TRIM26: variants seen among roughly 807,000 people sequenced by gnomAD.
TRIM26 encodes the protein tripartite motif-containing protein 26.
TRIM26 carries 16 observed loss-of-function variants against 45.5 expected under a neutral mutation model. That is an observed-to-expected ratio of 0.35 (90% confidence interval 0.24 to 0.53). The LOEUF (loss-of-function observed/expected upper bound fraction) is 0.53. TRIM26 is among the 20% of genes least tolerant of loss of function. The pLI, the probability that TRIM26 is intolerant of heterozygous loss-of-function variation, is 0.92. For missense variants in TRIM26, 442 were observed against 691.1 expected (o/e 0.64, Z 4.04); for synonymous variants, 273 against 290.4 (o/e 0.94, Z 0.61).
Position 30,189,293 on chromosome 6 carries a change from T to C in TRIM26, c.905-94A>G, listed in dbSNP as rs1581655609. The C allele has an allele frequency of 1.3e-6, 2 of 1,589,426 alleles. No homozygotes were observed. Among genetic ancestry groups the C allele is most frequent in the Non-Finnish European group, 1.7e-6 (2 of 1,158,704 alleles). On this transcript the variant is annotated intron_variant, in intron 8 of 9. Coordinates refer to ENST00000454678, the MANE Select transcript of TRIM26 (RefSeq NM_003449.5). This position sits in a 1 kb window ranked among gnomAD's most constrained non-coding sequence, Gnocchi z 5.0. Reference sequence around the variant, plus strand: ...GTATCAATTTCCTGATAGGGATCCATGTCTAAGACAAGAGGCCCTCAGAAG... The same window carrying C: ...GTATCAATTTCCTGATAGGGATCCACGTCTAAGACAAGAGGCCCTCAGAAG...
At chr6:30,208,118 T>C (rs1163697493) in intron 1 of TRIM26, among the ~76,000 whole-genome samples, 1 of 152,202 alleles carries the variant, frequency 6.6e-6, no homozygotes, top group Non-Finnish European at 1.5e-5. Flanking sequence ...AAAAACTGAC[T>C]GAGAAAACAA....
In TRIM26 at chr6:30,188,712, G is replaced by C. The variant is rs147271716; in HGVS notation, c.937+455C>G. 4.0e-3 allele frequency: 734 copies of C among 185,670 alleles called. 2 individuals carry two copies. Among genetic ancestry groups the C allele is most frequent in the African/African-American group, 0.011 (485 of 42,468 alleles). The allele number at this position is 185,670 out of a possible 1,614,324, so 11.5% of individuals were successfully genotyped here. On this transcript the variant is annotated intron_variant, in intron 9 of 9. Transcript: ENST00000454678. ...TCCAAGGGGCACCATTCACATCTTGGTCTATGTGGATGGCGCTCCTTGGTG... is the reference window on the plus strand; with the variant it reads ...TCCAAGGGGCACCATTCACATCTTGCTCTATGTGGATGGCGCTCCTTGGTG...
intron 6 of TRIM26, among the ~76,000 whole-genome samples, chr6:30,193,491 T>C (rs1407666649): frequency 1.3e-5 from 2 of 152,024 alleles, no homozygotes; most frequent in Non-Finnish European, 2.9e-5. Flanking sequence ...TAGTATATTT[T>C]GAAGTAAGAT....
Position 30,207,218 on chromosome 6 carries a change from C to T in TRIM26, c.-375-2453G>A, listed in dbSNP as rs1777816469. 6.6e-6 allele frequency among the ~76,000 whole-genome samples: 1 copy of T among 152,184 alleles called. No homozygotes were observed. The highest frequency in any genetic ancestry group is 6.5e-5 in the Admixed American group (1 of 15,284). ...TTAAGAATTTTGGACTTTATCCTAA[C>T]AGCCCTGGGAAGCCATTGAGGGTTT... On this transcript the variant is annotated intron_variant, in intron 1 of 9. Transcript: ENST00000454678. The surrounding 1 kb of genome is among the most constrained non-coding windows in gnomAD (Gnocchi z 4.9).
chr6:30,203,533 A>C (rs1029913040), intron 2 of TRIM26, among the ~76,000 whole-genome samples: 4 of 152,060 alleles, frequency 2.6e-5, no homozygotes, highest in African/African-American at 9.7e-5. Context: ...CTCCTGCCTC[A>C]GCCTCCCTAG....
chr6:30,209,134 A>G lies in TRIM26; in HGVS notation c.-376+4171T>C, dbSNP rs946430849. Among the ~76,000 whole-genome samples, 1 of 152,166 alleles carries G rather than the reference A, an allele frequency of 6.6e-6. No individual in the cohort carries two copies. The highest frequency in any genetic ancestry group is 2.1e-4 in the South Asian group (1 of 4,830). On this transcript the variant is annotated intron_variant, in intron 1 of 9. Transcript: ENST00000454678. The surrounding 1 kb of genome is among the most constrained non-coding windows in gnomAD (Gnocchi z 4.8). Reference sequence around the variant, plus strand: ...TTCTTCTTTCCCTTGGTAACTTACCATCTATGAGTTAGTGAGATGGAGACA... The same window carrying G: ...TTCTTCTTTCCCTTGGTAACTTACCGTCTATGAGTTAGTGAGATGGAGACA...
Position 30,189,294 on chromosome 6 carries a change from G to A in TRIM26, c.905-95C>T, listed in dbSNP as rs1241419798. ...TATCAATTTCCTGATAGGGATCCAT[G>A]TCTAAGACAAGAGGCCCTCAGAAGA... On this transcript the variant is annotated intron_variant, in intron 8 of 9. Coordinates refer to ENST00000454678, the MANE Select transcript of TRIM26 (RefSeq NM_003449.5). This position sits in a 1 kb window ranked among gnomAD's most constrained non-coding sequence, Gnocchi z 5.0. 5 of 1,587,470 alleles carry A rather than the reference G, an allele frequency of 3.1e-6. No individual in the cohort carries two copies. Among genetic ancestry groups the A allele is most frequent in the Non-Finnish European group, 8.6e-7 (1 of 1,156,960 alleles).
chr6:30,207,811 T>G lies in TRIM26; in HGVS notation c.-375-3046A>C, dbSNP rs939655399. On this transcript the variant is annotated intron_variant, in intron 1 of 9. Coordinates refer to ENST00000454678, the MANE Select transcript of TRIM26 (RefSeq NM_003449.5). This position sits in a 1 kb window ranked among gnomAD's most constrained non-coding sequence, Gnocchi z 4.9. ...TAAGCCCTTCGACAATGTAATTCCT[T>G]CTGCCTAGAACACCATCCCTTTCCC... is the stretch of plus-strand genomic sequence containing the variant. Among the ~76,000 whole-genome samples the G allele has an allele frequency of 2.0e-5, 3 of 152,228 alleles. No individual in the cohort carries two copies. Among genetic ancestry groups the G allele is most frequent in the Non-Finnish European group, 2.9e-5 (2 of 68,042 alleles).
intron 6 of TRIM26, among the ~76,000 whole-genome samples, chr6:30,195,044 C>T (rs901626477): frequency 6.6e-6 from 1 of 152,194 alleles, no homozygotes; most frequent in Non-Finnish European, 1.5e-5. Flanking sequence ...CATTTTCTCT[C>T]CCTTCCCTTG....
At chr6:30,191,406 A>T (rs1483478528) in intron 6 of TRIM26, among the ~76,000 whole-genome samples, 3 of 48,178 alleles carry the variant, frequency 6.2e-5, no homozygotes, top group African/African-American at 2.4e-4. Flanking sequence ...AGAACAGTTA[A>T]AAAAAAAAAA....
At chr6:30,192,586 C>T (rs1177772621) in intron 6 of TRIM26, among the ~76,000 whole-genome samples, 2 of 151,978 alleles carry the variant, frequency 1.3e-5, no homozygotes, top group Admixed American at 6.6e-5. Flanking sequence ...ACTATGTTGC[C>T]CAGGCTGGTC....
rs1298973821 is a variant in TRIM26 at position 30,189,154 on chromosome 6, T to G, written c.937+13A>C. ...TTTGATGTACATCTGGGAAACACCC[T>G]CTAGACACTCACCTGTCTTATATTC... On this transcript the variant is annotated intron_variant, in intron 9 of 9. Transcript: ENST00000454678. This position sits in a 1 kb window ranked among gnomAD's most constrained non-coding sequence, Gnocchi z 5.0. 1 of 1,612,230 alleles carries G rather than the reference T, an allele frequency of 6.2e-7. No homozygotes were observed. Among genetic ancestry groups the G allele is most frequent in the Non-Finnish European group, 8.5e-7 (1 of 1,179,824 alleles).
chr6:30,210,076 G>A (rs753164755), intron 1 of TRIM26, among the ~76,000 whole-genome samples: 5 of 151,020 alleles, frequency 3.3e-5, no homozygotes, highest in South Asian at 2.1e-4. Context: ...ATGGTGGCAC[G>A]CGCCTGTAGT....
chr6:30,197,396 T>G (rs1051837935), intron 5 of TRIM26, among the ~76,000 whole-genome samples: 2 of 152,154 alleles, frequency 1.3e-5, no homozygotes, highest in African/African-American at 4.8e-5. Context: ...TGGACTTGGC[T>G]GTCTCTAGCT....
chr6:30,203,473 A>G (rs1057128238), intron 2 of TRIM26, among the ~76,000 whole-genome samples: 1 of 151,896 alleles, frequency 6.6e-6, no homozygotes, highest in Non-Finnish European at 1.5e-5. Context: ...CTGGAGTGCA[A>G]TGGCGCAATC....
intron 1 of TRIM26, among the ~76,000 whole-genome samples, chr6:30,208,900 G>A (rs1164013591): frequency 2.3e-5 from 3 of 129,426 alleles, no homozygotes; most frequent in East Asian, 2.3e-4. Flanking sequence ...ATGGGATATA[G>A]AATATGTGTG....
At position 30,186,110 on chromosome 6, in the gene TRIM26, C is replaced by T. The variant is rs148285656; in HGVS notation, c.1386G>A (p.Ala462=). ...AGATGCCGGAGGAGGAGAGGCGCAG[C>T]GCCCACACGCCATCCTCTGGCCGCA... ...LSLRPEDGVW[A]LRLSSSGIWA... Residue 462 remains alanine (A), a synonymous_variant, in exon 10 of 10, where the codon GCG becomes GCA. Coordinates refer to ENST00000454678, the MANE Select transcript of TRIM26 (RefSeq NM_003449.5). This position sits in a 1 kb window ranked among gnomAD's most constrained non-coding sequence, Gnocchi z 7.4. 18 of 1,587,742 alleles carry T rather than the reference C, an allele frequency of 1.1e-5. No homozygotes were observed. The highest frequency in any genetic ancestry group is 2.7e-5 in the African/African-American group (2 of 74,090).
At chr6:30,194,887 C>T (rs1776299073) in intron 6 of TRIM26, among the ~76,000 whole-genome samples, 1 of 152,098 alleles carries the variant, frequency 6.6e-6, no homozygotes, top group African/African-American at 2.4e-5. Context: ...CAGAGCGAGA[C>T]TCTGTCTCAA....
rs1166332978 is a variant in TRIM26, at chr6:30,186,045, A to G, written c.1451T>C (p.Leu484Pro). ...GGCGATGCCCACTCTCCGGGGCCGCAGTGCTGGGAAAAGCTCAGCCTCGGG... is the reference window on the plus strand; with the variant it reads ...GGCGATGCCCACTCTCCGGGGCCGCGGTGCTGGGAAAAGCTCAGCCTCGGG... ...TSPEAELFPA[L>P]RPRRVGIALD... Residue 484 changes from leucine (L) to proline (P), a missense_variant, in exon 10 of 10, where the codon CTG becomes CCG. By Grantham distance (98) the Leu-to-Pro change is moderately conservative. Coordinates refer to ENST00000454678, the MANE Select transcript of TRIM26 (RefSeq NM_003449.5). This position sits in a 1 kb window ranked among gnomAD's most constrained non-coding sequence, Gnocchi z 7.4. The G allele has an allele frequency of 6.2e-7, 1 of 1,604,722 alleles. No homozygotes were observed. The highest frequency in any genetic ancestry group is 1.7e-5 in the Admixed American group (1 of 58,780).
Sources: allele counts gnomAD v4.1 joint callset (sites outside exome capture counted in the v4.1 genomes callset), GRCh38; gene constraint gnomAD v4.1.1; non-coding constraint Gnocchi (gnomAD v3.1); transcripts MANE v1.5; gene names NCBI Gene and HGNC (gene_info 2026-07-23, HGNC 2026-07-21).